LGALS3: variants seen among roughly 807,000 people sequenced by gnomAD.
The protein encoded by LGALS3 is galectin 3, also known as galectin-3.
A neutral mutation model predicts 20.7 loss-of-function variants in LGALS3; 18 were observed. The observed-to-expected ratio is 0.87, with a 90% CI of 0.60 to 1.29. The LOEUF (loss-of-function observed/expected upper bound fraction) is 1.29. Among genes scored for constraint, LGALS3 ranks in the 50% most tolerant of loss-of-function variants. The pLI is 0.00. For synonymous variants in LGALS3, 112 were observed against 119.6 expected (o/e 0.94, Z 0.42); for missense variants, 315 against 314.7 (o/e 1.00, Z -0.01).
In LGALS3 at chr14:55,145,283, C is replaced by T. The variant is rs745469076; in HGVS notation, c.*12C>T. The stretch of plus-strand genomic sequence containing the variant: ...ATACCATGATATAATCTGAAAGGGG[C>T]AGATTAAAAAAAAAAAAAGAATCTA... On this transcript the variant is annotated 3_prime_UTR_variant, in exon 6 of 6. Transcript: ENST00000254301. 6.3e-7 allele frequency: 1 copy of T among 1,593,122 alleles called. No individual in the cohort carries two copies. Among genetic ancestry groups the T allele is most frequent in the Non-Finnish European group, 8.5e-7 (1 of 1,170,726 alleles).
chr14:55,134,518 G>A (rs1417577714), intron 1 of LGALS3, among the ~76,000 whole-genome samples: 4 of 152,134 alleles, frequency 2.6e-5, no homozygotes, highest in Non-Finnish European at 5.9e-5. Flanking sequence ...TGTTTCGTAT[G>A]GCATCCAAAA....
chr14:55,141,069 T>G (rs1372330895), intron 4 of LGALS3, among the ~76,000 whole-genome samples: 1 of 152,200 alleles, frequency 6.6e-6, no homozygotes, highest in Non-Finnish European at 1.5e-5. Flanking sequence ...ATTCAAGCCA[T>G]GTACACAGGT....
chr14:55,131,706 G>A (rs1426440257), intron 1 of LGALS3, among the ~76,000 whole-genome samples: 2 of 152,116 alleles, frequency 1.3e-5, no homozygotes. Flanking sequence ...CTTCCAGTTC[G>A]CTATTGACCA....
Position 55,138,104 on chromosome 14 carries a change from G to C in LGALS3, c.78G>C (p.Trp26Cys). Reference sequence around the variant, plus strand: ...ACCCTCAAGGATGGCCTGGCGCATGGGGGAACCAGCCTGCTGGGGCAGGGG... The same window carrying C: ...ACCCTCAAGGATGGCCTGGCGCATGCGGGAACCAGCCTGCTGGGGCAGGGG... The part of the protein sequence containing the change: ...NPNPQGWPGA[W>C]GNQPAGAGGY... Residue 26 changes from tryptophan (W) to cysteine (C), a missense_variant, in exon 3 of 6, where the codon TGG (tryptophan) becomes TGC (cysteine). Coordinates refer to ENST00000254301, the MANE Select transcript of LGALS3 (RefSeq NM_002306.4). 1 of 1,537,178 alleles carries C rather than the reference G, an allele frequency of 6.5e-7. No homozygotes were observed.
At chr14:55,143,898 AGTC>A (rs1353721271) in intron 5 of LGALS3, among the ~76,000 whole-genome samples, 6 of 152,028 alleles carry the variant, frequency 3.9e-5, no homozygotes, top group Middle Eastern at 3.4e-3. Flanking sequence ...CCTAGAAGCA[AGTC>A]TTCTAGAAAT....
chr14:55,142,582 A>G lies in LGALS3; in HGVS notation c.432-2A>G, dbSNP rs757563943. 1.2e-6 allele frequency: 2 copies of G among 1,611,908 alleles called. No homozygotes were observed. The highest frequency in any genetic ancestry group is 1.1e-5 in the South Asian group (1 of 90,994). On this transcript the variant is annotated splice_acceptor_variant, in intron 4 of 5. Transcript: ENST00000254301. LOFTEE classifies it high-confidence loss of function. ...TAATAACTGGTCTTTGGTTTAAAACAGAATTGCTTTAGATTTCCAAAGAGG... is the reference window on the plus strand; with the variant it reads ...TAATAACTGGTCTTTGGTTTAAAACGGAATTGCTTTAGATTTCCAAAGAGG...
intron 2 of LGALS3, chr14:55,137,620 C>A: frequency 1.4e-6 from 2 of 1,443,712 alleles, no homozygotes; most frequent in Non-Finnish European, 1.8e-6. Flanking sequence ...AACCCTTTCA[C>A]CAAAAGGCCC....
At position 55,137,236 on chromosome 14, in the gene LGALS3, T is replaced by G. The variant is rs1881426057; in HGVS notation, c.-4-134T>G. 12 of 866,894 alleles carry G rather than the reference T, an allele frequency of 1.4e-5. No homozygotes were observed. The South Asian group carries it at 1.6e-4, about 12-fold the overall frequency. 53.7% of individuals were successfully genotyped at this position (866,894 alleles called of 1,614,324 possible). On this transcript the variant is annotated intron_variant, in intron 1 of 5. Coordinates refer to ENST00000254301, the MANE Select transcript of LGALS3 (RefSeq NM_002306.4). ...CCTGCCCCTTGAAGAGATGTTTTTG[T>G]GGCGCCACACTACTGACTTAGGCAT...
chr14:55,133,691 C>T (rs961925382), intron 1 of LGALS3, among the ~76,000 whole-genome samples: 2 of 152,126 alleles, frequency 1.3e-5, no homozygotes, highest in Non-Finnish European at 2.9e-5. Context: ...TACTGCCCTC[C>T]GAGGTGGTGT....
At chr14:55,136,690 C>T (rs1881405812) in intron 1 of LGALS3, among the ~76,000 whole-genome samples, 1 of 152,188 alleles carries the variant, frequency 6.6e-6, no homozygotes, top group South Asian at 2.1e-4. Flanking sequence ...TAGTTATTTT[C>T]AAACGTACAA....
At chr14:55,144,652 C>T (rs926611005) in intron 5 of LGALS3, among the ~76,000 whole-genome samples, 11 of 152,238 alleles carry the variant, frequency 7.2e-5, no homozygotes, top group Admixed American at 2.0e-4. Flanking sequence ...CAAGCTCCGC[C>T]TCCTGGGTTC....
At chr14:55,137,082 C>T in intron 1 of LGALS3, 2 of 521,522 alleles carry the variant, frequency 3.8e-6, no homozygotes, top group South Asian at 4.4e-5. Flanking sequence ...TCTTCAAAAA[C>T]CCAGAGTAGG....
At chr14:55,137,765 G>A in intron 2 of LGALS3, 1 of 1,322,972 alleles carries the variant, frequency 7.6e-7, no homozygotes, top group Non-Finnish European at 9.6e-7. Context: ...GCTATAAGTA[G>A]AGGAGCGCTA....
At chr14:55,143,968 C>G (rs1881726022) in intron 5 of LGALS3, among the ~76,000 whole-genome samples, 1 of 152,110 alleles carries the variant, frequency 6.6e-6, no homozygotes, top group Non-Finnish European at 1.5e-5. Flanking sequence ...TACATGTTTA[C>G]AATTTAGATA....
chr14:55,141,556 G>C (rs945575555), intron 4 of LGALS3, among the ~76,000 whole-genome samples: 11 of 152,144 alleles, frequency 7.2e-5, no homozygotes, highest in African/African-American at 2.7e-4. Flanking sequence ...TGTAGATTGA[G>C]ACTGGCAGAT....
rs1232388841 is a variant in LGALS3, at chr14:55,129,545, C to T, written c.-5+245C>T. Reference sequence around the variant, plus strand: ...TTCGGGGAAGGTTGGCAGCACCTTACGAGACCCACACACGTCCCCGGGGCG... The same window carrying T: ...TTCGGGGAAGGTTGGCAGCACCTTATGAGACCCACACACGTCCCCGGGGCG... On this transcript the variant is annotated intron_variant, in intron 1 of 5. Coordinates refer to ENST00000254301, the MANE Select transcript of LGALS3 (RefSeq NM_002306.4). The surrounding 1 kb of genome is among the most constrained non-coding windows in gnomAD (Gnocchi z 5.3). 6.6e-6 allele frequency among the ~76,000 whole-genome samples: 1 copy of T among 152,176 alleles called. No individual in the cohort carries two copies. The highest frequency in any genetic ancestry group is 2.4e-5 in the African/African-American group (1 of 41,454).
At chr14:55,137,567 G>A (rs1881445996) in intron 2 of LGALS3, 176 bp downstream of exon 2, 1 of 1,530,570 alleles carries the variant, frequency 6.5e-7, no homozygotes, top group South Asian at 1.3e-5. Flanking sequence ...AGCAGATTTG[G>A]GAAGAAAGCC....
At position 55,129,774 on chromosome 14, in the gene LGALS3, G is replaced by C. The variant is rs1881172244; in HGVS notation, c.-5+474G>C. ...GCTCCAGTTTCTCTAATTGGGGTTG[G>C]AGCCCCGTCACCCTTCCCCAGATCA... On this transcript the variant is annotated intron_variant, in intron 1 of 5. Coordinates refer to ENST00000254301, the MANE Select transcript of LGALS3 (RefSeq NM_002306.4). The surrounding 1 kb of genome is among the most constrained non-coding windows in gnomAD (Gnocchi z 5.3). 6.6e-6 allele frequency among the ~76,000 whole-genome samples: 1 copy of C among 152,214 alleles called. No individual in the cohort carries two copies. The highest frequency in any genetic ancestry group is 1.5e-5 in the Non-Finnish European group (1 of 68,028).
chr14:55,132,780 G>A (rs1398376871), intron 1 of LGALS3, among the ~76,000 whole-genome samples: 1 of 152,042 alleles, frequency 6.6e-6, no homozygotes, highest in Non-Finnish European at 1.5e-5. Context: ...TGTTGGCCAG[G>A]CTGGTCTCAA....
Sources: allele counts gnomAD v4.1 joint callset (sites outside exome capture counted in the v4.1 genomes callset), GRCh38; gene constraint gnomAD v4.1.1; non-coding constraint Gnocchi (gnomAD v3.1); transcripts MANE v1.5; gene names NCBI Gene and HGNC (gene_info 2026-07-23, HGNC 2026-07-21).